Variants in PARD3B observed in about 807,000 individuals in gnomAD.
PARD3B encodes the protein partitioning defective 3 homolog B.
PARD3B carries 103 observed loss-of-function variants against 130.2 expected under a neutral mutation model. That is an observed-to-expected ratio of 0.79 (90% CI 0.67 to 0.93). The LOEUF (loss-of-function observed/expected upper bound fraction) is 0.93. Ranked by LOEUF, PARD3B falls within the 40% of genes least tolerant of loss-of-function variation. PARD3B has a pLI of 0.00. For synonymous variants in PARD3B, 583 were observed against 553.2 expected (o/e 1.05, Z -0.76); for missense variants, 1,609 against 1,499.2 (o/e 1.07, Z -1.21).
At chr2:204,651,379 C>T (rs1297117209) in intron 1 of PARD3B, among the ~76,000 whole-genome samples, 2 of 152,224 alleles carry the variant, frequency 1.3e-5, no homozygotes, top group Non-Finnish European at 2.9e-5. Flanking sequence ...CCATGCAAGT[C>T]CAAAACCCAG....
At position 205,137,721 on chromosome 2, in the gene PARD3B, C is replaced by T. The variant is rs927971256; in HGVS notation, c.1434+11984C>T. Among the ~76,000 whole-genome samples the T allele has an allele frequency of 3.3e-5, 5 of 152,304 alleles. No individual in the cohort carries two copies. In the East Asian group the frequency reaches 7.7e-4, roughly 24 times the overall value. Reference sequence around the variant, plus strand: ...AAGGCCCAGAATGGCCTTCCTTACACGTGTCTGTCAGTTGGTACTCTAATA... The same window carrying T: ...AAGGCCCAGAATGGCCTTCCTTACATGTGTCTGTCAGTTGGTACTCTAATA... On this transcript the variant is annotated intron_variant, in intron 10 of 22. Coordinates refer to ENST00000406610, the MANE Select transcript of PARD3B (RefSeq NM_001302769.2).
intron 2 of PARD3B, among the ~76,000 whole-genome samples, chr2:204,716,661 C>T (rs1396254237): frequency 1.4e-5 from 2 of 144,246 alleles, no homozygotes; most frequent in South Asian, 2.2e-4. Context: ...CTTGCTCTGT[C>T]GCCCAGGCTG....
chr2:204,850,833 T>C (rs1399598622), intron 2 of PARD3B, among the ~76,000 whole-genome samples: 1 of 152,214 alleles, frequency 6.6e-6, no homozygotes, highest in Non-Finnish European at 1.5e-5. Context: ...CTTACAGTGC[T>C]CCACACATGG....
chr2:204,829,974 G>C (rs932857848), intron 2 of PARD3B, among the ~76,000 whole-genome samples: 2 of 144,852 alleles, frequency 1.4e-5, no homozygotes, highest in African/African-American at 5.3e-5. Flanking sequence ...ACTCCAGCCT[G>C]GGCGACAGAG....
At position 205,021,303 on chromosome 2, in the gene PARD3B, G is replaced by C. The variant is rs1226996945; in HGVS notation, c.395-26278G>C. Reference sequence around the variant, plus strand: ...TTAGGAAACAGATTATAAGTAGCTAGAATGTAAAATAATAATAATTTAGAC... The same window carrying C: ...TTAGGAAACAGATTATAAGTAGCTACAATGTAAAATAATAATAATTTAGAC... On this transcript the variant is annotated intron_variant, in intron 3 of 22. Coordinates refer to ENST00000406610, the MANE Select transcript of PARD3B (RefSeq NM_001302769.2). This position sits in a 1 kb window ranked among gnomAD's most constrained non-coding sequence, Gnocchi z 4.5. Among the ~76,000 whole-genome samples the C allele has an allele frequency of 6.6e-6, 1 of 152,130 alleles. No homozygotes were observed. The highest frequency in any genetic ancestry group is 1.5e-5 in the Non-Finnish European group (1 of 68,020).
chr2:205,091,583 C>T lies in PARD3B; in HGVS notation c.505-12843C>T, dbSNP rs1263308134. On this transcript the variant is annotated intron_variant, in intron 4 of 22. Coordinates refer to ENST00000406610, the MANE Select transcript of PARD3B (RefSeq NM_001302769.2). The surrounding 1 kb of genome is among the most constrained non-coding windows in gnomAD (Gnocchi z 4.2). ...ATGTGTCTGCGAAAACATTTATCAT[C>T]ATCTCAGTGCTACAAGTCTCTTACA... Among the ~76,000 whole-genome samples the T allele has an allele frequency of 1.3e-5, 2 of 152,148 alleles. No individual in the cohort carries two copies. The highest frequency in any genetic ancestry group is 2.9e-5 in the Non-Finnish European group (2 of 68,022).
chr2:205,376,347 C>T (rs865799584), intron 18 of PARD3B, among the ~76,000 whole-genome samples: 7 of 143,982 alleles, frequency 4.9e-5, no homozygotes, highest in East Asian at 4.5e-4. Flanking sequence ...AAACAAGTGT[C>T]GACATCCCTT....
intron 2 of PARD3B, among the ~76,000 whole-genome samples, chr2:204,946,085 T>C (rs1689300007): frequency 6.6e-6 from 1 of 152,206 alleles, no homozygotes; most frequent in Non-Finnish European, 1.5e-5. Flanking sequence ...TCTTTCCTCT[T>C]GCTTTTCTGG....
chr2:204,730,415 A>G (rs2039454166), intron 2 of PARD3B, among the ~76,000 whole-genome samples: 1 of 152,040 alleles, frequency 6.6e-6, no homozygotes. Context: ...CTGTAAGCAG[A>G]TTTCCTGTGT....
intron 20 of PARD3B, among the ~76,000 whole-genome samples, chr2:205,456,277 G>T (rs1257699469): frequency 6.6e-6 from 1 of 151,892 alleles, no homozygotes; most frequent in Non-Finnish European, 1.5e-5. Flanking sequence ...TGGATATTTT[G>T]GTTGTTTCCA....
intron 12 of PARD3B, among the ~76,000 whole-genome samples, chr2:205,173,963 C>T (rs1439878518): frequency 6.6e-6 from 1 of 152,102 alleles, no homozygotes; most frequent in Non-Finnish European, 1.5e-5. Flanking sequence ...TCCCTTAAGA[C>T]TTTTTAAACA....
intron 20 of PARD3B, among the ~76,000 whole-genome samples, chr2:205,469,411 C>A (rs960355326): frequency 1.3e-5 from 2 of 152,154 alleles, no homozygotes; most frequent in Admixed American, 1.3e-4. Flanking sequence ...TTCTCCTGGT[C>A]TTTGGTTCTC....
chr2:204,872,228 A>G (rs753939177), intron 2 of PARD3B, among the ~76,000 whole-genome samples: 64 of 152,226 alleles, frequency 4.2e-4, no homozygotes, highest in Non-Finnish European at 7.8e-4. Context: ...CTTATCTGCC[A>G]AATTTTATAC....
intron 2 of PARD3B, among the ~76,000 whole-genome samples, chr2:204,817,256 ATTT>A (rs200887200): frequency 2.1e-5 from 3 of 145,628 alleles, no homozygotes; most frequent in African/African-American, 7.5e-5. Context: ...ACATCTAGGA[ATTT>A]TTTTTTTTTG....
chr2:204,968,813 A>T lies in PARD3B; in HGVS notation c.394+3490A>T, dbSNP rs114596434. 9.3e-3 allele frequency among the ~76,000 whole-genome samples: 1,414 copies of T among 152,366 alleles called. 31 individuals are homozygous for T. The highest frequency in any genetic ancestry group is 0.032 in the African/African-American group (1,343 of 41,598). ...TTACAAAGACGAACAGCAGAAATCT[A>T]CTGACATAAAGGGGTTCATAGTCTC... is the stretch of plus-strand genomic sequence containing the variant. On this transcript the variant is annotated intron_variant, in intron 3 of 22. Transcript: ENST00000406610.
chr2:204,553,602 G>GTATATATATGTA (rs1211554395), intron 1 of PARD3B, among the ~76,000 whole-genome samples: 55 of 118,752 alleles, frequency 4.6e-4, no homozygotes, highest in Admixed American at 2.7e-3. Context: ...ACATATATAT[G>GTATATATATGTA]TATATATATG....
At chr2:205,303,488 A>G (rs2042084683) in intron 18 of PARD3B, among the ~76,000 whole-genome samples, 1 of 152,280 alleles carries the variant, frequency 6.6e-6, no homozygotes, top group Non-Finnish European at 1.5e-5. Context: ...AGTTTGAGAC[A>G]GCTCTAGCTT....
intron 18 of PARD3B, among the ~76,000 whole-genome samples, chr2:205,396,618 C>T (rs1440239108): frequency 6.6e-6 from 1 of 152,148 alleles, no homozygotes; most frequent in Non-Finnish European, 1.5e-5. Flanking sequence ...AAACAGGCTT[C>T]CCAGGTACAT....
At chr2:205,587,294 C>T (rs978627309) in intron 22 of PARD3B, among the ~76,000 whole-genome samples, 9 of 131,976 alleles carry the variant, frequency 6.8e-5, no homozygotes, top group Non-Finnish European at 1.5e-4. Context: ...GGTGTAGATT[C>T]GGTTTTGCTT....
Sources: allele counts gnomAD v4.1 joint callset (sites outside exome capture counted in the v4.1 genomes callset), GRCh38; gene constraint gnomAD v4.1.1; non-coding constraint Gnocchi (gnomAD v3.1); transcripts MANE v1.5; gene names NCBI Gene and HGNC (gene_info 2026-07-23, HGNC 2026-07-21).